ELAVL2: variants seen among roughly 807,000 people sequenced by gnomAD.
The protein encoded by ELAVL2 is ELAV-like protein 2.
ELAVL2 carries 4 observed loss-of-function variants against 34.6 expected under a neutral mutation model. The ratio of observed to expected loss-of-function variants is 0.12; its 90% CI spans 0.06 to 0.26. The LOEUF (loss-of-function observed/expected upper bound fraction) is 0.26, where lower values mean the gene tolerates loss of function less well. Ranked by LOEUF, ELAVL2 falls within the 10% of genes least tolerant of loss-of-function variation. ELAVL2 has a pLI of 1.00. For missense variants in ELAVL2, 432 were observed against 442.8 expected, an observed-to-expected ratio of 0.98 and a Z score of 0.22; for synonymous variants, 193 against 154.8, an observed-to-expected ratio of 1.25 and a Z score of -1.83.
At chr9:23,726,660 T>C (rs2045259427) in intron 3 of ELAVL2, among the ~76,000 whole-genome samples, 1 of 152,094 alleles carries the variant, frequency 6.6e-6, no homozygotes, top group African/African-American at 2.4e-5. Flanking sequence ...TAATCACCTA[T>C]CCAGAGTTCT....
intron 2 of ELAVL2, among the ~76,000 whole-genome samples, chr9:23,746,335 A>G (rs1164529386): frequency 6.6e-6 from 1 of 152,192 alleles, no homozygotes; most frequent in Non-Finnish European, 1.5e-5. Flanking sequence ...ACACTGATAG[A>G]AAAAGATAAA....
At chr9:23,759,983 G>A (rs1160910865) in intron 2 of ELAVL2, among the ~76,000 whole-genome samples, 1 of 151,440 alleles carries the variant, frequency 6.6e-6, no homozygotes. Context: ...GGAAATGGAT[G>A]AGAAATATTT....
intron 3 of ELAVL2, among the ~76,000 whole-genome samples, chr9:23,714,084 T>C (rs1343686041): frequency 6.6e-6 from 1 of 152,182 alleles, no homozygotes; most frequent in African/African-American, 2.4e-5. Flanking sequence ...TTTATATACA[T>C]ACATAGGAAA....
At chr9:23,706,834 T>C (rs1232198891) in intron 3 of ELAVL2, among the ~76,000 whole-genome samples, 1 of 152,228 alleles carries the variant, frequency 6.6e-6, no homozygotes, top group African/African-American at 2.4e-5. Flanking sequence ...CAGCTCTCTG[T>C]TGCCACTTTT....
At chr9:23,784,905 T>A (rs540519913) in intron 1 of ELAVL2, among the ~76,000 whole-genome samples, 1 of 152,280 alleles carries the variant, frequency 6.6e-6, no homozygotes, top group South Asian at 2.1e-4. Context: ...TCACTAGACA[T>A]TGTGGGAAAA....
Position 23,711,395 on chromosome 9 carries a change from C to G in ELAVL2, c.334-6324G>C, listed in dbSNP as rs117246921. ...GGAATATATTTGATAATGTCATCCT[C>G]AACTTAAATTACCTAAAGGGCTCCC... is the stretch of plus-strand genomic sequence containing the variant. On this transcript the variant is annotated intron_variant, in intron 3 of 6. Transcript: ENST00000397312. Among the ~76,000 whole-genome samples the G allele has an allele frequency of 2.3e-3, 356 of 152,288 alleles. 1 individual carries two copies. Among genetic ancestry groups the G allele is most frequent in the Non-Finnish European group, 4.2e-3 (287 of 68,022 alleles).
At chr9:23,760,099 TAAAG>T (rs1001463281) in intron 2 of ELAVL2, among the ~76,000 whole-genome samples, 1 of 151,834 alleles carries the variant, frequency 6.6e-6, no homozygotes, top group African/African-American at 2.4e-5. Flanking sequence ...GAGGTGAAGA[TAAAG>T]AACTCAAATT....
chr9:23,763,885 C>T (rs777936118), intron 1 of ELAVL2, among the ~76,000 whole-genome samples: 37 of 152,246 alleles, frequency 2.4e-4, no homozygotes, highest in African/African-American at 8.7e-4. Flanking sequence ...AAGCTGCAAG[C>T]TGTTTCTCTA....
At chr9:23,840,919 G>GA in the ELAVL2 span, among the ~76,000 whole-genome samples, 1 of 151,806 alleles carries the variant, frequency 6.6e-6, no homozygotes, top group Non-Finnish European at 1.5e-5. Flanking sequence ...ATGCTGTTAA[G>GA]AAAAAAAACT....
At chr9:23,730,203 A>C (rs971879612) in intron 3 of ELAVL2, among the ~76,000 whole-genome samples, 1 of 152,168 alleles carries the variant, frequency 6.6e-6, no homozygotes, top group Non-Finnish European at 1.5e-5. Context: ...TTATTTTCTA[A>C]AGGAAAAGAA....
intron 3 of ELAVL2, among the ~76,000 whole-genome samples, chr9:23,723,183 A>G (rs181673650): frequency 2.2e-3 from 335 of 152,320 alleles, no homozygotes; most frequent in Admixed American, 7.3e-3. Context: ...AATGTCCAAC[A>G]ATGATAGACT....
At chr9:23,740,512 C>T (rs2048912466) in intron 2 of ELAVL2, among the ~76,000 whole-genome samples, 1 of 152,174 alleles carries the variant, frequency 6.6e-6, no homozygotes. Context: ...TCCTGTACAT[C>T]CAAAGTTTAC....
intron 2 of ELAVL2, among the ~76,000 whole-genome samples, chr9:23,758,198 G>A (rs549927494): frequency 2.0e-5 from 3 of 152,114 alleles, no homozygotes; most frequent in Admixed American, 1.3e-4. Context: ...TGCACAAGAC[G>A]GGTAATGCTA....
rs141192592 is a variant in ELAVL2, at chr9:23,811,652, G to A, written c.-16+14154C>T. 3.9e-5 allele frequency among the ~76,000 whole-genome samples: 6 copies of A among 152,296 alleles called. No homozygotes were observed. The East Asian group carries it at 1.2e-3, about 29-fold the overall frequency. On this transcript the variant is annotated intron_variant, in intron 1 of 6. Transcript: ENST00000397312. ...TTTTGAAAAATAAATGTTATACCCA[G>A]AGGAGGCTGCTGGCACATAATGTTG...
chr9:23,822,586 C>G (rs562546848), intron 1 of ELAVL2, among the ~76,000 whole-genome samples: 1 of 152,186 alleles, frequency 6.6e-6, no homozygotes, highest in African/African-American at 2.4e-5. Flanking sequence ...TCCTCAGACC[C>G]GGCCCCACGG....
intron 2 of ELAVL2, among the ~76,000 whole-genome samples, chr9:23,760,015 G>T (rs967660320): frequency 6.6e-5 from 10 of 151,596 alleles, no homozygotes; most frequent in South Asian, 6.2e-4. Context: ...TAGTATCTAG[G>T]TATGTATTAA....
intron 1 of ELAVL2, among the ~76,000 whole-genome samples, chr9:23,797,303 G>A (rs939778882): frequency 2.6e-5 from 4 of 152,142 alleles, no homozygotes; most frequent in South Asian, 2.1e-4. Context: ...AAAACAGCAC[G>A]GCTTTCTAAA....
chr9:23,693,332 A>G, intron 6 of ELAVL2, 116 bp downstream of exon 6: 1 of 1,283,318 alleles, frequency 7.8e-7, no homozygotes, highest in East Asian at 2.3e-5. Context: ...ATTAGGTTGC[A>G]CATGCAAAAT....
intron 1 of ELAVL2, among the ~76,000 whole-genome samples, chr9:23,777,649 T>A (rs1222057461): frequency 6.6e-6 from 1 of 152,110 alleles, no homozygotes; most frequent in African/African-American, 2.4e-5. Context: ...TATCATGAGG[T>A]AGAAGCAAGA....
Sources: allele counts gnomAD v4.1 joint callset (sites outside exome capture counted in the v4.1 genomes callset), GRCh38; gene constraint gnomAD v4.1.1; transcripts MANE v1.5; gene names NCBI Gene and HGNC (gene_info 2026-07-23, HGNC 2026-07-21).